Variants in ZNF783 observed in about 807,000 individuals in gnomAD.
The protein encoded by ZNF783 is protein ZNF783.
Under a neutral mutation model 31.3 loss-of-function variants are expected in ZNF783, and 25 were observed. The ratio of observed to expected loss-of-function variants is 0.80; its 90% confidence interval spans 0.58 to 1.11. The LOEUF (loss-of-function observed/expected upper bound fraction) is 1.11. ZNF783 is among the 50% of genes most tolerant of loss of function. The probability of loss-of-function intolerance (pLI) is 0.00; values close to 1 mark genes in which losing one functional copy is unlikely to be tolerated. For synonymous variants in ZNF783, 369 were observed against 319.1 expected, an observed-to-expected ratio of 1.16 and a Z score of -1.66; for missense variants, 797 against 760.0, an observed-to-expected ratio of 1.05 and a Z score of -0.57.
intron 4 of ZNF783, among the ~76,000 whole-genome samples, chr7:149,267,681 C>T (rs1237704291): frequency 1.3e-5 from 2 of 152,228 alleles, no homozygotes; most frequent in East Asian, 3.9e-4. Flanking sequence ...CCTGTAGTCC[C>T]AGCTACTCGG....
chr7:149,266,845 C>T lies in ZNF783; in HGVS notation c.447C>T (p.Ala149=), dbSNP rs755343191. ...TGCCCGTGACCTTCGATGATGTGGC[C>T]GTGTATTTCTCTGAGCTGGAGTGGG... ...PKVPVTFDDV[A]VYFSELEWGK... Residue 149 remains alanine, a synonymous_variant, in exon 3 of 6, where the codon GCC becomes GCT. Transcript: ENST00000434415. 7 of 1,613,822 alleles carry T rather than the reference C, an allele frequency of 4.3e-6. No homozygotes were observed. Among genetic ancestry groups the T allele is most frequent in the Admixed American group, 3.3e-5 (2 of 59,976 alleles).
At chr7:149,267,327 A>C (rs1290623446) in intron 4 of ZNF783, 105 bp downstream of exon 4, 1 of 1,447,670 alleles carries the variant, frequency 6.9e-7, no homozygotes, top group East Asian at 2.4e-5. Flanking sequence ...GGAAGGGAGC[A>C]TAGACCATTA....
In ZNF783 at chr7:149,266,676, C is replaced by A. The variant is rs548957368; in HGVS notation, c.366C>A (p.Asn122Lys). 1.2e-6 allele frequency: 2 copies of A among 1,614,034 alleles called. No homozygotes were observed. The highest frequency in any genetic ancestry group is 1.3e-5 in the African/African-American group (1 of 74,916). ...AGAATGTGGAGAACTTGCTGCGCAA[C>A]AGGAACTTCTGGATCTTGCGGCTGC... The part of the protein sequence containing the change: ...RLENVENLLR[N>K]RNFWILRLPP... The change falls in exon 2 of 6, where the codon AAC becomes AAA. Residue 122 changes from asparagine (N) to lysine (K), a missense_variant. Physicochemically the swap from Asn to Lys is moderately conservative, Grantham distance 94. Coordinates refer to ENST00000434415, the MANE Select transcript of ZNF783 (RefSeq NM_001195220.2).
chr7:149,279,593 T>C (rs1430162635), intron 5 of ZNF783, among the ~76,000 whole-genome samples: 7 of 151,620 alleles, frequency 4.6e-5, no homozygotes, highest in African/African-American at 2.4e-5. Flanking sequence ...GCCGAGTCTT[T>C]CTCACGTGGC....
chr7:149,282,168 C>T lies in ZNF783; in HGVS notation c.1466C>T (p.Thr489Ile). ...CTCTTCCGGCACCAGCGCATCCACA[C>T]CGGTGAGCGGCCCTACCAGTGCCCC... is the stretch of plus-strand genomic sequence containing the variant. ...SDLFRHQRIHTGERPYQCPQC... is the reference protein window; with the variant it reads ...SDLFRHQRIHIGERPYQCPQC... The change falls in exon 6 of 6, where the codon ACC (threonine) becomes ATC (isoleucine). Residue 489 changes from threonine to isoleucine, a missense_variant. By Grantham distance (89) the Thr-to-Ile change is moderately conservative. Coordinates refer to ENST00000434415, the MANE Select transcript of ZNF783 (RefSeq NM_001195220.2). 1 of 1,601,052 alleles carries T rather than the reference C, an allele frequency of 6.2e-7. No individual in the cohort carries two copies. Among genetic ancestry groups the T allele is most frequent in the Non-Finnish European group, 8.5e-7 (1 of 1,179,556 alleles).
Position 149,266,357 on chromosome 7 carries a change from C to A in ZNF783, c.47C>A (p.Thr16Lys). 1 of 1,592,360 alleles carries A rather than the reference C, an allele frequency of 6.3e-7. No homozygotes were observed. Among genetic ancestry groups the A allele is most frequent in the Non-Finnish European group, 8.5e-7 (1 of 1,175,844 alleles). The part of the protein sequence containing the change: ...PARDPETDKH[T>K]EDQSPSTPLP... ...CAGGACCCCGAGACAGACAAGCACA[C>A]AGAGGACCAGAGTCCTTCGACACCC... is the stretch of plus-strand genomic sequence containing the variant. The change falls in exon 2 of 6, where the codon ACA (threonine) becomes AAA (lysine). Residue 16 changes from threonine (T) to lysine (K), a missense_variant. Thr to Lys is a moderately conservative substitution (Grantham distance 78, BLOSUM62 -1). Coordinates refer to ENST00000434415, the MANE Select transcript of ZNF783 (RefSeq NM_001195220.2).
At chr7:149,274,360 TTTTC>T (rs1457522681) in intron 4 of ZNF783, among the ~76,000 whole-genome samples, 1 of 151,030 alleles carries the variant, frequency 6.6e-6, no homozygotes, top group Non-Finnish European at 1.5e-5. Flanking sequence ...TTTTTTTTCC[TTTTC>T]TTTTTTTTTT....
At chr7:149,278,363 A>G (rs1308437245) in intron 4 of ZNF783, 36 bp from the exon 5 acceptor site, 3 of 1,597,808 alleles carry the variant, frequency 1.9e-6, no homozygotes, top group East Asian at 4.5e-5. Context: ...GGAGACCTCC[A>G]TGTTGTGCTC....
In ZNF783 at chr7:149,266,809, A is replaced by G; in HGVS notation, c.421-10A>G. 1 of 1,613,856 alleles carries G rather than the reference A, an allele frequency of 6.2e-7. No homozygotes were observed. On this transcript the variant is annotated splice_polypyrimidine_tract_variant and intron_variant, in intron 2 of 5. Coordinates refer to ENST00000434415, the MANE Select transcript of ZNF783 (RefSeq NM_001195220.2). ...GTGTGGGTGAGTGAGTGCGACACTT[A>G]TGGTTCCAGGTGCCCGTGACCTTCG...
chr7:149,265,476 T>A (rs975829473), intron 1 of ZNF783, among the ~76,000 whole-genome samples: 41 of 152,300 alleles, frequency 2.7e-4, no homozygotes, highest in African/African-American at 8.4e-4. Flanking sequence ...CTTTTCCTGG[T>A]TTGCAGACGG....
rs1796990782 is a variant in ZNF783, at chr7:149,263,350, C to T, written c.24+993C>T. On this transcript the variant is annotated intron_variant, in intron 1 of 5. Transcript: ENST00000434415. ...TTTTTTTTTTAGACACAGTCTCACT[C>T]TCACCCAGGGTGGAGTGTAGTGGCG... Among the ~76,000 whole-genome samples, 3 of 149,442 alleles carry T rather than the reference C, an allele frequency of 2.0e-5. No homozygotes were observed. The South Asian group carries it at 6.4e-4, about 32-fold the overall frequency.
chr7:149,276,585 G>C, intron 4 of ZNF783: 1 of 985,386 alleles, frequency 1.0e-6, no homozygotes, highest in Non-Finnish European at 1.2e-6. Context: ...CTTCTAGCTG[G>C]TTTTACCTCT....
rs974876598 is a variant in ZNF783 at position 149,262,212 on chromosome 7, C to T, written c.-122C>T. 161 of 925,934 alleles carry T rather than the reference C, an allele frequency of 1.7e-4. No individual in the cohort carries two copies. In the East Asian group the frequency reaches 5.4e-3, roughly 31 times the overall value. 57.4% of individuals were successfully genotyped at this position (925,934 alleles called of 1,614,324 possible). ...ACGTGGCTCGGGACGCAGTTCGCTGCCGCCCGGCAGTAGCTCTCAGGTTAG... is the reference window on the plus strand; with the variant it reads ...ACGTGGCTCGGGACGCAGTTCGCTGTCGCCCGGCAGTAGCTCTCAGGTTAG... On this transcript the variant is annotated 5_prime_UTR_variant, in exon 1 of 6. Transcript: ENST00000434415.
Position 149,283,556 on chromosome 7 carries a change from A to C in ZNF783, c.*1213A>C, listed in dbSNP as rs893740536. On this transcript the variant is annotated 3_prime_UTR_variant, in exon 6 of 6. Coordinates refer to ENST00000434415, the MANE Select transcript of ZNF783 (RefSeq NM_001195220.2). Reference sequence around the variant, plus strand: ...AGAGCCCAGGAAGCCCCTCCACTAGAGGAGGCCCTTGGTCTGGCTGAGGAC... The same window carrying C: ...AGAGCCCAGGAAGCCCCTCCACTAGCGGAGGCCCTTGGTCTGGCTGAGGAC... The C allele has an allele frequency of 4.6e-5, 7 of 152,186 alleles. No homozygotes were observed. Among genetic ancestry groups the C allele is most frequent in the African/African-American group, 1.7e-4 (7 of 41,456 alleles). 9.4% of individuals were successfully genotyped at this position (152,186 alleles called of 1,614,324 possible). A position where few individuals can be genotyped will look rare whatever the true frequency, so the allele number is the denominator to read the frequency against.
At chr7:149,272,890 A>C in intron 4 of ZNF783, among the ~76,000 whole-genome samples, 2 of 145,246 alleles carry the variant, frequency 1.4e-5, no homozygotes, top group African/African-American at 2.6e-5. Flanking sequence ...CCCCCCTCGC[A>C]CCTTCCCCCA....
chr7:149,278,579 C>T (rs369321895), intron 5 of ZNF783, 52 bp downstream of exon 5: 101 of 1,595,250 alleles, frequency 6.3e-5, no homozygotes, highest in Non-Finnish European at 8.2e-5. Context: ...AGGCAGCACG[C>T]GATCACCAAG....
At chr7:149,262,800 G>A (rs900126334) in intron 1 of ZNF783, among the ~76,000 whole-genome samples, 8 of 152,264 alleles carry the variant, frequency 5.3e-5, no homozygotes, top group African/African-American at 1.9e-4. Flanking sequence ...GCCTCACGCC[G>A]GGGCAGGGAT....
chr7:149,280,091 C>T (rs1362759834), intron 5 of ZNF783, among the ~76,000 whole-genome samples: 4 of 101,300 alleles, frequency 3.9e-5, no homozygotes, highest in Non-Finnish European at 6.5e-5. Context: ...GCTGGCCGGG[C>T]GGGGGGCTGA....
chr7:149,266,572 T>C lies in ZNF783; in HGVS notation c.262T>C (p.Phe88Leu). 1 of 1,613,186 alleles carries C rather than the reference T, an allele frequency of 6.2e-7. No individual in the cohort carries two copies. The highest frequency in any genetic ancestry group is 8.5e-7 in the Non-Finnish European group (1 of 1,179,778). Reference protein sequence around the residue: ...LADCEKTAVEFGNQLEGKWAV... With the variant: ...LADCEKTAVELGNQLEGKWAV... ...CGACTGCGAGAAGACAGCTGTGGAG[T>C]TCGGGAACCAGCTGGAGGGCAAGTG... Residue 88 changes from phenylalanine to leucine, a missense_variant, in exon 2 of 6, where the codon TTC becomes CTC. By Grantham distance (22) the Phe-to-Leu change is conservative. Coordinates refer to ENST00000434415, the MANE Select transcript of ZNF783 (RefSeq NM_001195220.2).
Sources: allele counts gnomAD v4.1 joint callset (sites outside exome capture counted in the v4.1 genomes callset), GRCh38; gene constraint gnomAD v4.1.1; transcripts MANE v1.5; gene names NCBI Gene and HGNC (gene_info 2026-07-23, HGNC 2026-07-21).